The following CFH variants were observed in gnomAD, a reference collection of about 807,000 sequenced individuals.
CFH encodes complement factor H.
Under a neutral mutation model 147.3 loss-of-function variants are expected in CFH, and 53 were observed. The observed-to-expected ratio is 0.36, with a 90% CI of 0.29 to 0.45. The LOEUF (loss-of-function observed/expected upper bound fraction) is 0.45, where lower values mean the gene tolerates loss of function less well. CFH is among the 20% of genes least tolerant of loss of function. The pLI, the probability that CFH is intolerant of heterozygous loss-of-function variation, is 1.00. For synonymous variants in CFH, 536 were observed against 489.4 expected (o/e 1.10, Z -1.26); for missense variants, 1,380 against 1,498.0 (o/e 0.92, Z 1.30).
At chr1:196,661,239 A>G (rs1472086615) in intron 1 of CFH, among the ~76,000 whole-genome samples, 1 of 152,244 alleles carries the variant, frequency 6.6e-6, no homozygotes, top group Non-Finnish European at 1.5e-5. Context: ...ATTAGTGCCC[A>G]TAAAAACTTT....
At chr1:196,735,202 A>G (rs994913032) in intron 15 of CFH, among the ~76,000 whole-genome samples, 1 of 152,112 alleles carries the variant, frequency 6.6e-6, no homozygotes, top group Non-Finnish European at 1.5e-5. Flanking sequence ...TTGATGATTA[A>G]TTATATGGAA....
chr1:196,702,867 G>A (rs560265871), intron 9 of CFH, among the ~76,000 whole-genome samples: 1 of 152,088 alleles, frequency 6.6e-6, no homozygotes, highest in Non-Finnish European at 1.5e-5. Flanking sequence ...TAAGGTCCAG[G>A]ATGGTCAAGC....
Position 196,677,545 on chromosome 1 carries a change from G to T in CFH, c.497G>T (p.Arg166Leu), listed in dbSNP as rs770339409. The change falls in exon 5 of 22, where the codon CGG becomes CTG. Residue 166 changes from arginine to leucine, a missense_variant. Transcript: ENST00000367429. ...GTCAGTAGTGCAATGGAACCAGATC[G>T]GGAATACCATTTTGGACAAGCAGTA... The part of the protein sequence containing the change: ...KIVSSAMEPD[R>L]EYHFGQAVRF... The T allele has an allele frequency of 3.7e-6, 6 of 1,613,144 alleles. No individual in the cohort carries two copies. Among genetic ancestry groups the T allele is most frequent in the Admixed American group, 1.7e-5 (1 of 59,940 alleles).
At chr1:196,684,386 C>T (rs1667753212) in intron 6 of CFH, among the ~76,000 whole-genome samples, 1 of 151,898 alleles carries the variant, frequency 6.6e-6, no homozygotes, top group Non-Finnish European at 1.5e-5. Flanking sequence ...TGCAGTATCT[C>T]AATGTTTAAG....
rs142867365 is a variant in CFH at position 196,680,956 on chromosome 1, T to C, written c.790+1163T>C. 2.9e-3 allele frequency among the ~76,000 whole-genome samples: 444 copies of C among 152,010 alleles called. 2 individuals are homozygous for C. The highest frequency in any genetic ancestry group is 0.021 in the East Asian group (107 of 5,176). ...TATTTTAGAAAGAAATTAATGAACA[T>C]GAGACAGTAATAACCCACATCAGAT... On this transcript the variant is annotated intron_variant, in intron 6 of 21. Coordinates refer to ENST00000367429, the MANE Select transcript of CFH (RefSeq NM_000186.4).
intron 1 of CFH, among the ~76,000 whole-genome samples, chr1:196,663,429 C>A (rs1222197526): frequency 6.6e-6 from 1 of 152,116 alleles, no homozygotes; most frequent in Non-Finnish European, 1.5e-5. Context: ...TTAAAATCTG[C>A]TACTACTTTG....
rs563802826 is a variant in CFH at position 196,653,954 on chromosome 1, C to A, written c.58+1779C>A. Among the ~76,000 whole-genome samples, 24 of 152,178 alleles carry A rather than the reference C, an allele frequency of 1.6e-4. No homozygotes were observed. The South Asian group carries it at 5.0e-3, about 32-fold the overall frequency. Reference sequence around the variant, plus strand: ...TGCAAAAGCCAATGGAGAAAAACTACATGAATTTTCAGTGGATATCAGACT... The same window carrying A: ...TGCAAAAGCCAATGGAGAAAAACTAAATGAATTTTCAGTGGATATCAGACT... On this transcript the variant is annotated intron_variant, in intron 1 of 21. Transcript: ENST00000367429.
intron 11 of CFH, among the ~76,000 whole-genome samples, chr1:196,722,456 T>C (rs1382689122): frequency 6.6e-6 from 1 of 152,180 alleles, no homozygotes; most frequent in Non-Finnish European, 1.5e-5. Flanking sequence ...AGAAGTCCAC[T>C]GTTAGTCTTA....
At position 196,673,943 on chromosome 1, in the gene CFH, G is replaced by C; in HGVS notation, c.331G>C (p.Val111Leu). 6.2e-7 allele frequency: 1 copy of C among 1,611,586 alleles called. No individual in the cohort carries two copies. The highest frequency in any genetic ancestry group is 8.5e-7 in the Non-Finnish European group (1 of 1,177,894). The part of the protein sequence containing the change: ...GNVFEYGVKA[V>L]YTCNEGYQLL... ...TGTGTTTGAATATGGTGTAAAAGCT[G>C]TGTATACATGTAATGAGGGGTATGT... The change falls in exon 3 of 22, where the codon GTG (valine) becomes CTG (leucine). Residue 111 changes from valine (V) to leucine (L), a missense_variant. Transcript: ENST00000367429.
At chr1:196,717,847 C>T (rs1668908743) in intron 11 of CFH, among the ~76,000 whole-genome samples, 1 of 152,120 alleles carries the variant, frequency 6.6e-6, no homozygotes, top group Middle Eastern at 3.4e-3. Context: ...GGACTGCTTA[C>T]AACCTTGTGA....
intron 14 of CFH, 59 bp from the exon 15 acceptor site, chr1:196,728,287 G>T: frequency 1.8e-6 from 2 of 1,109,210 alleles, no homozygotes; most frequent in Non-Finnish European, 2.5e-6. Context: ...CTATTTTTAT[G>T]TAATAGTTGG....
At chr1:196,741,819 G>C in intron 18 of CFH, 56 bp from the exon 19 acceptor site, 1 of 1,480,296 alleles carries the variant, frequency 6.8e-7, no homozygotes, top group Admixed American at 1.7e-5. Flanking sequence ...TACATGTATT[G>C]TATGTAACCT....
At chr1:196,743,988 G>T (rs1652911826) in intron 20 of CFH, among the ~76,000 whole-genome samples, 1 of 152,086 alleles carries the variant, frequency 6.6e-6, no homozygotes, top group Non-Finnish European at 1.5e-5. Context: ...ATCATAGACT[G>T]TGATATAAAT....
chr1:196,655,509 A>C (rs749896042), intron 1 of CFH, among the ~76,000 whole-genome samples: 1 of 152,240 alleles, frequency 6.6e-6, no homozygotes, highest in Non-Finnish European at 1.5e-5. Flanking sequence ...CCCAAATATA[A>C]GTTCAAAAGC....
At chr1:196,721,691 T>A (rs1325300842) in intron 11 of CFH, among the ~76,000 whole-genome samples, 1 of 152,042 alleles carries the variant, frequency 6.6e-6, no homozygotes, top group Non-Finnish European at 1.5e-5. Flanking sequence ...TTGCTGTTTA[T>A]CTTTCTACTT....
intron 9 of CFH, among the ~76,000 whole-genome samples, chr1:196,704,924 A>G (rs371699965): frequency 2.6e-5 from 4 of 152,166 alleles, no homozygotes; most frequent in African/African-American, 9.7e-5. Context: ...TCAGTCTTGA[A>G]TCTGAAGGAT....
At chr1:196,700,635 C>T (rs1222955404) in intron 9 of CFH, among the ~76,000 whole-genome samples, 1 of 131,410 alleles carries the variant, frequency 7.6e-6, no homozygotes, top group South Asian at 2.4e-4. Flanking sequence ...TCCTGGGAGA[C>T]AGATTGAGAT....
At chr1:196,724,538 C>T (rs974812167) in intron 11 of CFH, among the ~76,000 whole-genome samples, 2 of 152,192 alleles carry the variant, frequency 1.3e-5, no homozygotes, top group Non-Finnish European at 2.9e-5. Context: ...CCTACACTTT[C>T]TATGAGGTCC....
At position 196,743,477 on chromosome 1, in the gene CFH, A is replaced by G. The variant is rs752061988; in HGVS notation, c.3159A>G (p.Thr1053=). 1.2e-6 allele frequency: 2 copies of G among 1,614,026 alleles called. No homozygotes were observed. The highest frequency in any genetic ancestry group is 2.2e-5 in the East Asian group (1 of 44,840). The part of the protein sequence containing the change: ...CRDTSCVNPP[T]VQNAYIVSRQ... ...ACACCTCCTGTGTGAATCCGCCCAC[A>G]GTACAAAATGCTTATATAGTGTCGA... Residue 1053 remains threonine, a synonymous_variant, in exon 20 of 22, where the codon ACA becomes ACG. Transcript: ENST00000367429.
Sources: gnomAD v4.1 joint callset for allele counts (sites outside exome capture counted in the v4.1 genomes callset) on GRCh38, gnomAD v4.1.1 for gene constraint, MANE v1.5 for transcripts, NCBI Gene and HGNC (gene_info 2026-07-23, HGNC 2026-07-21) for gene names.